The following NDRG4 variants were observed in gnomAD, a reference collection of about 807,000 sequenced individuals.
NDRG4 encodes NDRG family member 4.
In NDRG4, 38 loss-of-function variants were observed where a neutral mutation model predicts 55.8. The ratio of observed to expected loss-of-function variants is 0.68; its 90% CI spans 0.53 to 0.89. The LOEUF (loss-of-function observed/expected upper bound fraction) is 0.89, where lower values mean the gene tolerates loss of function less well. Among genes scored for constraint, NDRG4 ranks in the 40% least tolerant of loss-of-function variants. The pLI, the probability that NDRG4 is intolerant of heterozygous loss-of-function variation, is 0.00. For synonymous variants in NDRG4, 190 were observed against 182.7 expected, an observed-to-expected ratio of 1.04 and a Z score of -0.32; for missense variants, 455 against 468.6, an observed-to-expected ratio of 0.97 and a Z score of 0.27.
At chr16:58,501,484 C>A in intron 1 of NDRG4, 1 of 169,112 alleles carries the variant, frequency 5.9e-6, no homozygotes, top group Non-Finnish European at 1.3e-5. Context: ...AGTGCTCGGC[C>A]CTGAGGGTTG....
At chr16:58,468,300 G>A (rs2032107121) in intron 1 of NDRG4, among the ~76,000 whole-genome samples, 1 of 152,238 alleles carries the variant, frequency 6.6e-6, no homozygotes, top group African/African-American at 2.4e-5. Flanking sequence ...CAGGGACAAG[G>A]AAGGCGGGGG....
At chr16:58,503,581 C>A in intron 1 of NDRG4, 2 of 874,698 alleles carry the variant, frequency 2.3e-6, no homozygotes, top group Non-Finnish European at 3.7e-6. Context: ...CTTCCCCATG[C>A]AGATCAGTTC....
At chr16:58,478,199 G>A (rs532149760) in intron 1 of NDRG4, among the ~76,000 whole-genome samples, 1 of 152,228 alleles carries the variant, frequency 6.6e-6, no homozygotes, top group African/African-American at 2.4e-5. Flanking sequence ...GACCAGCCTG[G>A]CCAACACGGT....
At chr16:58,482,665 A>ATCCCTCCCTCCCTCCC (rs2034553825) in intron 1 of NDRG4, among the ~76,000 whole-genome samples, 1 of 71,080 alleles carries the variant, frequency 1.4e-5, no homozygotes, top group Non-Finnish European at 3.0e-5. Context: ...CTCTCTTTCC[A>ATCCCTCCCTCCCTCCC]TCCCTCCCTT....
intron 2 of NDRG4, among the ~76,000 whole-genome samples, chr16:58,488,055 G>A (rs776596054): frequency 2.6e-5 from 4 of 152,158 alleles, no homozygotes; most frequent in Non-Finnish European, 5.9e-5. Flanking sequence ...CCGTCTTTGA[G>A]GCTAAAGGCG....
upstream of NDRG4, chr16:58,500,052 C>A: frequency 7.0e-7 from 1 of 1,426,706 alleles, no homozygotes; most frequent in South Asian, 1.4e-5. Flanking sequence ...TCCTGGTAAG[C>A]GAGTGGCTGC....
In NDRG4 at chr16:58,483,595, A is replaced by C. The variant is rs77218308; in HGVS notation, c.-23-4161A>C. ...TCATCCCCTGTACCATCCCTCCCCT[A>C]TGTACATCAGCTTAGCCCCTCTGCG... On this transcript the variant is annotated intron_variant, in intron 1 of 15. Coordinates refer to the NDRG4 transcript ENST00000258187. Among the ~76,000 whole-genome samples the C allele has an allele frequency of 8.4e-4, 128 of 152,130 alleles. 2 individuals carry two copies. The East Asian group carries it at 0.023, about 28-fold the overall frequency.
intron 1 of NDRG4, chr16:58,465,122 G>T: frequency 7.8e-7 from 1 of 1,286,364 alleles, no homozygotes; most frequent in Non-Finnish European, 1.0e-6. Flanking sequence ...TGACTTCTGT[G>T]TTCTCCCCGG....
chr16:58,511,352 C>T (rs2038781405), intron 14 of NDRG4, 70 bp from the exon 15 acceptor site: 9 of 1,494,538 alleles, frequency 6.0e-6, no homozygotes, highest in South Asian at 1.3e-5. Flanking sequence ...TTGCTTGCAG[C>T]CTACTTTTCC....
intron 2 of NDRG4, among the ~76,000 whole-genome samples, chr16:58,492,538 GTGTGTGTGTGTGT>G (rs2035919696): frequency 1.0e-5 from 1 of 99,268 alleles, no homozygotes; most frequent in African/African-American, 3.0e-5. Flanking sequence ...GTGTGTGTGT[GTGTGTGTGTGTGT>G]GAGAGACAGA....
chr16:58,468,858 T>C (rs2032243041), intron 1 of NDRG4, among the ~76,000 whole-genome samples: 4 of 152,094 alleles, frequency 2.6e-5, no homozygotes, highest in Non-Finnish European at 4.4e-5. Flanking sequence ...TATTTTTTAG[T>C]GTGATATGTG....
intron 1 of NDRG4, among the ~76,000 whole-genome samples, chr16:58,484,215 C>CA (rs930669061): frequency 2.3e-4 from 35 of 151,782 alleles, no homozygotes; most frequent in East Asian, 1.7e-3. Context: ...ACTAAAAATA[C>CA]AAAAAAAATT....
Position 58,512,457 on chromosome 16 carries a change from C to G in NDRG4, c.*881C>G, listed in dbSNP as rs1453140852. On this transcript the variant is annotated 3_prime_UTR_variant, in exon 15 of 15. Transcript: ENST00000570248. ...CAGGGGTAGCTGAGTTCCTGGAGAC[C>G]CCTTTTTTGCCCCCAGGTTCCCCAG... 1.2e-5 allele frequency: 3 copies of G among 243,954 alleles called. No individual in the cohort carries two copies. Among genetic ancestry groups the G allele is most frequent in the African/African-American group, 7.1e-5 (3 of 42,166 alleles). The allele number at this position is 243,954 out of a possible 1,614,324, so 15.1% of individuals were successfully genotyped here.
chr16:58,486,822 G>T (rs537352321), intron 1 of NDRG4, among the ~76,000 whole-genome samples: 1 of 151,912 alleles, frequency 6.6e-6, no homozygotes, highest in African/African-American at 2.4e-5. Context: ...TAGGGCCCGG[G>T]CCCACCCTCT....
rs560166496 is a variant in NDRG4 at position 58,464,844 on chromosome 16, T to C, written c.-24+1047T>C. On this transcript the variant is annotated intron_variant, in intron 1 of 15. Transcript: ENST00000258187. The surrounding 1 kb of genome is among the most constrained non-coding windows in gnomAD (Gnocchi z 4.8). ...CAGGACCCGCGCCATGGACCTCTTA[T>C]TTCTGCGCCCTGTGACAATCTGAGC... 2.3e-4 allele frequency: 286 copies of C among 1,229,658 alleles called. 1 individual carries two copies. In the African/African-American group the frequency reaches 4.0e-3, roughly 17 times the overall value. The allele number at this position is 1,229,658 out of a possible 1,614,324, so 76.2% of individuals were successfully genotyped here.
chr16:58,489,832 CTTCT>C (rs1039266906), intron 2 of NDRG4, among the ~76,000 whole-genome samples: 19 of 152,102 alleles, frequency 1.2e-4, no homozygotes, highest in African/African-American at 3.6e-4. Context: ...CTGTCTTTTC[CTTCT>C]TTCTTTCTTT....
chr16:58,488,992 CTG>C (rs527388634), intron 2 of NDRG4, among the ~76,000 whole-genome samples: 175 of 152,226 alleles, frequency 1.1e-3, no homozygotes, highest in Admixed American at 2.4e-3. Context: ...TGCCTTCGCT[CTG>C]TACCCTTTTA....
chr16:58,480,951 A>G (rs957806762), intron 1 of NDRG4, among the ~76,000 whole-genome samples: 22 of 151,832 alleles, frequency 1.4e-4, no homozygotes, highest in African/African-American at 5.3e-4. Context: ...GGAGGTTGCA[A>G]TGAGCTGAGA....
chr16:58,506,412 G>C lies in NDRG4; in HGVS notation c.398G>C (p.Gly133Ala). 6.2e-7 allele frequency: 1 copy of C among 1,613,860 alleles called. No homozygotes were observed. The highest frequency in any genetic ancestry group is 1.3e-5 in the African/African-American group (1 of 74,980). ...FALIFPDLVE[G>A]LVLVNIDPNG... is the part of the protein sequence containing the mutation. ...CTCATCTTCCCCGACCTGGTGGAGG[G>C]GCTGGTGCTGGTGAACATCGACCCC... Residue 133 changes from glycine (G) to alanine (A), a missense_variant, in exon 6 of 15, where the codon GGG (glycine) becomes GCG (alanine). Gly to Ala is a moderately conservative substitution (Grantham distance 60). Coordinates refer to ENST00000570248, the MANE Select transcript of NDRG4 (RefSeq NM_001242835.2).
Sources: gnomAD v4.1 joint callset for allele counts (sites outside exome capture counted in the v4.1 genomes callset) on GRCh38, gnomAD v4.1.1 for gene constraint, Gnocchi (gnomAD v3.1) non-coding constraint, MANE v1.5 for transcripts, NCBI Gene and HGNC (gene_info 2026-07-23, HGNC 2026-07-21) for gene names.